CCSER1: variants seen among roughly 807,000 people sequenced by gnomAD.
CCSER1 encodes the protein coiled-coil serine rich protein 1.
In CCSER1, 41 loss-of-function variants were observed where a neutral mutation model predicts 82.0. The observed-to-expected ratio is 0.50, with a 90% CI of 0.39 to 0.65. The LOEUF (loss-of-function observed/expected upper bound fraction) is 0.65. CCSER1 is among the 30% of genes least tolerant of loss of function. CCSER1 has a pLI of 0.00. For missense variants in CCSER1, 1,119 were observed against 1,064.2 expected, an observed-to-expected ratio of 1.05 and a Z score of -0.72; for synonymous variants, 414 against 383.9, an observed-to-expected ratio of 1.08 and a Z score of -0.92.
At chr4:90,531,432 A>G (rs1344958818) in intron 5 of CCSER1, among the ~76,000 whole-genome samples, 1 of 148,960 alleles carries the variant, frequency 6.7e-6, no homozygotes, top group African/African-American at 2.5e-5. Flanking sequence ...TGCTTTTGAA[A>G]TTACAAGCTG....
chr4:91,022,748 C>T (rs908478294), intron 9 of CCSER1, among the ~76,000 whole-genome samples: 1 of 152,204 alleles, frequency 6.6e-6, no homozygotes, highest in Non-Finnish European at 1.5e-5. Flanking sequence ...ATTTGCATTT[C>T]TCTGATGGCC....
intron 10 of CCSER1, among the ~76,000 whole-genome samples, chr4:91,497,548 G>C (rs1758990076): frequency 6.6e-6 from 1 of 151,740 alleles, no homozygotes; most frequent in Non-Finnish European, 1.5e-5. Context: ...ATTATGAAAT[G>C]ATAACTATGG....
At chr4:90,604,124 C>T (rs961816554) in intron 5 of CCSER1, among the ~76,000 whole-genome samples, 3 of 152,114 alleles carry the variant, frequency 2.0e-5, no homozygotes, top group Non-Finnish European at 4.4e-5. Context: ...TCCTGGTGAA[C>T]TATTGAGGGG....
chr4:90,889,633 A>G (rs1484471514), intron 8 of CCSER1, among the ~76,000 whole-genome samples: 9 of 152,150 alleles, frequency 5.9e-5, no homozygotes, highest in African/African-American at 2.2e-4. Context: ...TTAAATATCC[A>G]TCAACAGATA....
intron 9 of CCSER1, among the ~76,000 whole-genome samples, chr4:91,076,867 A>G (rs1173641721): frequency 6.6e-6 from 1 of 152,200 alleles, no homozygotes; most frequent in African/African-American, 2.4e-5. Flanking sequence ...ACTTCATGGT[A>G]TTCAAATTTT....
intron 9 of CCSER1, among the ~76,000 whole-genome samples, chr4:91,001,336 C>A (rs556025310): frequency 3.0e-4 from 45 of 152,178 alleles, no homozygotes; most frequent in African/African-American, 9.9e-4. Flanking sequence ...ATTTTTGCAT[C>A]TGTGTTCAAT....
chr4:91,508,571 T>C (rs978327630), intron 10 of CCSER1, among the ~76,000 whole-genome samples: 1 of 151,764 alleles, frequency 6.6e-6, no homozygotes, highest in Admixed American at 6.6e-5. Flanking sequence ...TTTTTTTTTT[T>C]TTCACATGAA....
chr4:90,358,160 A>C (rs1436818631), intron 3 of CCSER1, among the ~76,000 whole-genome samples: 2 of 152,116 alleles, frequency 1.3e-5, no homozygotes, highest in African/African-American at 2.4e-5. Context: ...AATAGGAGTA[A>C]ATAATACATC....
chr4:90,226,970 C>G (rs946842324), intron 1 of CCSER1, among the ~76,000 whole-genome samples: 4 of 152,224 alleles, frequency 2.6e-5, no homozygotes, highest in African/African-American at 9.6e-5. Flanking sequence ...TTAGTCAAGA[C>G]AGTGTGGAAT....
chr4:90,799,111 G>A (rs1756435961), intron 7 of CCSER1, among the ~76,000 whole-genome samples: 1 of 152,156 alleles, frequency 6.6e-6, no homozygotes, highest in Admixed American at 6.5e-5. Flanking sequence ...GTCTCTGTTG[G>A]CAACTGTGTG....
At chr4:90,444,197 G>A (rs1760299540) in intron 4 of CCSER1, among the ~76,000 whole-genome samples, 1 of 151,934 alleles carries the variant, frequency 6.6e-6, no homozygotes, top group Non-Finnish European at 1.5e-5. Context: ...GCACACCGAG[G>A]TAAAATAAGT....
intron 5 of CCSER1, among the ~76,000 whole-genome samples, chr4:90,512,002 G>T (rs1009068560): frequency 2.6e-5 from 4 of 152,186 alleles, no homozygotes; most frequent in Non-Finnish European, 5.9e-5. Flanking sequence ...GATGAGATAA[G>T]AGGTACTGGA....
intron 6 of CCSER1, among the ~76,000 whole-genome samples, chr4:90,698,467 G>A (rs866051465): frequency 5.9e-5 from 9 of 152,182 alleles, no homozygotes; most frequent in African/African-American, 1.4e-4. Flanking sequence ...GCAATATAGA[G>A]ATGGGAACCT....
At chr4:90,423,460 G>A (rs915928415) in intron 4 of CCSER1, among the ~76,000 whole-genome samples, 4 of 151,996 alleles carry the variant, frequency 2.6e-5, no homozygotes, top group African/African-American at 9.7e-5. Context: ...TCCTGATGTC[G>A]TGATCTGCCT....
At chr4:91,528,784 T>A (rs1760890282) in intron 10 of CCSER1, among the ~76,000 whole-genome samples, 1 of 152,148 alleles carries the variant, frequency 6.6e-6, no homozygotes, top group African/African-American at 2.4e-5. Flanking sequence ...TTGCTCAGGA[T>A]TTAGAAGTTT....
intron 3 of CCSER1, among the ~76,000 whole-genome samples, chr4:90,362,188 A>G (rs1745494597): frequency 6.6e-6 from 1 of 152,218 alleles, no homozygotes; most frequent in Non-Finnish European, 1.5e-5. Context: ...TTATGTCAAC[A>G]TGCATGAAAT....
intron 10 of CCSER1, among the ~76,000 whole-genome samples, chr4:91,411,507 T>TATATATATATATATATATATATAC (rs1553934202): frequency 3.0e-5 from 2 of 67,302 alleles, no homozygotes; most frequent in African/African-American, 9.7e-5. Flanking sequence ...TATATATATA[T>TATATATATATATATATATATATAC]ATATATATAT....
chr4:91,347,325 C>T (rs1438131864), intron 10 of CCSER1, among the ~76,000 whole-genome samples: 1 of 152,032 alleles, frequency 6.6e-6, no homozygotes, highest in Non-Finnish European at 1.5e-5. Context: ...ATCTATTTGT[C>T]TTTTACTTCA....
At chr4:90,209,312 C>A (rs1739505319) in intron 1 of CCSER1, among the ~76,000 whole-genome samples, 1 of 152,110 alleles carries the variant, frequency 6.6e-6, no homozygotes, top group Admixed American at 6.5e-5. Flanking sequence ...GTGGATTTGC[C>A]CTTGGAGCAT....
Sources: allele counts gnomAD v4.1 joint callset (sites outside exome capture counted in the v4.1 genomes callset), GRCh38; gene constraint gnomAD v4.1.1; transcripts MANE v1.5; gene names NCBI Gene and HGNC (gene_info 2026-07-23, HGNC 2026-07-21).